PTPRD: variants seen among roughly 807,000 people sequenced by gnomAD.
PTPRD encodes protein tyrosine phosphatase receptor type D.
PTPRD carries 34 observed loss-of-function variants against 214.5 expected under a neutral mutation model. The ratio of observed to expected loss-of-function variants is 0.16; its 90% CI spans 0.12 to 0.21. The LOEUF is 0.21. PTPRD is among the 10% of genes least tolerant of loss of function. The pLI is 1.00. For synonymous variants in PTPRD, 1,128 were observed against 845.7 expected, an observed-to-expected ratio of 1.33 and a Z score of -5.79; for missense variants, 2,545 against 2,398.7, an observed-to-expected ratio of 1.06 and a Z score of -1.27.
chr9:10,007,424 T>A (rs2096503205), intron 4 of PTPRD, among the ~76,000 whole-genome samples: 1 of 152,034 alleles, frequency 6.6e-6, no homozygotes, highest in South Asian at 2.1e-4. Flanking sequence ...AATAATTTTC[T>A]TATTATAACA....
intron 39 of PTPRD, among the ~76,000 whole-genome samples, chr9:8,368,394 C>G (rs1280803267): frequency 6.6e-6 from 1 of 152,070 alleles, no homozygotes; most frequent in Non-Finnish European, 1.5e-5. Context: ...GAGTTGGTTG[C>G]TATTCTTAGG....
At chr9:10,279,113 T>A (rs1036571239) in intron 3 of PTPRD, among the ~76,000 whole-genome samples, 3 of 152,100 alleles carry the variant, frequency 2.0e-5, no homozygotes, top group African/African-American at 7.2e-5. Flanking sequence ...TCTGCCTCAA[T>A]CCTCACTTCT....
At chr9:9,722,523 C>T (rs1048280963) in intron 7 of PTPRD, among the ~76,000 whole-genome samples, 10 of 152,034 alleles carry the variant, frequency 6.6e-5, no homozygotes, top group South Asian at 2.1e-4. Flanking sequence ...TAATGTTCCT[C>T]GGAATTTGGG....
intron 10 of PTPRD, among the ~76,000 whole-genome samples, chr9:9,100,718 T>C (rs895294737): frequency 2.0e-5 from 3 of 152,172 alleles, no homozygotes; most frequent in African/African-American, 7.2e-5. Context: ...TCAGGAATAT[T>C]TCTAGGCAGG....
chr9:10,325,882 A>G (rs1054179550), intron 3 of PTPRD, among the ~76,000 whole-genome samples: 3 of 151,886 alleles, frequency 2.0e-5, no homozygotes, highest in African/African-American at 4.8e-5. Flanking sequence ...ATTTTTCATT[A>G]GTTTAACTGA....
At chr9:10,364,189 G>A (rs1449104563) in intron 2 of PTPRD, among the ~76,000 whole-genome samples, 1 of 151,640 alleles carries the variant, frequency 6.6e-6, no homozygotes, top group African/African-American at 2.4e-5. Flanking sequence ...TTTTAGTAGA[G>A]ATAGGGTTTC....
chr9:8,713,320 T>C (rs753111671), intron 12 of PTPRD: 8 of 809,274 alleles, frequency 9.9e-6, no homozygotes, highest in Non-Finnish European at 1.7e-5. Context: ...CATGAAGGCC[T>C]CGGGCACACT....
intron 2 of PTPRD, among the ~76,000 whole-genome samples, chr9:10,567,148 AGTGCCT>A (rs2065881840): frequency 1.3e-5 from 2 of 152,088 alleles, no homozygotes; most frequent in African/African-American, 2.4e-5. Context: ...GTGAACTACC[AGTGCCT>A]TTAAGAACAG....
intron 37 of PTPRD, among the ~76,000 whole-genome samples, chr9:8,383,431 T>A (rs1307927528): frequency 1.3e-5 from 2 of 152,304 alleles, no homozygotes; most frequent in South Asian, 4.1e-4. Flanking sequence ...GCATCTAACC[T>A]GCATTCATTA....
chr9:9,629,497 A>T (rs1224033693), intron 7 of PTPRD, among the ~76,000 whole-genome samples: 4 of 152,008 alleles, frequency 2.6e-5, no homozygotes, highest in Admixed American at 2.6e-4. Flanking sequence ...TAATTTGGGG[A>T]TATTTTTAGA....
chr9:9,986,277 A>C (rs2095707647), intron 4 of PTPRD, among the ~76,000 whole-genome samples: 1 of 152,146 alleles, frequency 6.6e-6, no homozygotes. Context: ...ACAATAGTAA[A>C]AGGTGTAAAC....
chr9:8,331,403 C>CTGAT (rs1319415190), intron 44 of PTPRD, among the ~76,000 whole-genome samples, 179 bp downstream of exon 44: 2 of 107,462 alleles, frequency 1.9e-5, no homozygotes, highest in South Asian at 6.2e-4. Context: ...ACATTTTCCT[C>CTGAT]TGATTATTTT....
At chr9:9,149,432 C>A (rs540931814) in intron 10 of PTPRD, among the ~76,000 whole-genome samples, 29 of 152,264 alleles carry the variant, frequency 1.9e-4, no homozygotes, top group African/African-American at 6.7e-4. Context: ...TCTCATAAAT[C>A]AGATCAGATT....
At chr9:9,638,231 A>G (rs568816375) in intron 7 of PTPRD, among the ~76,000 whole-genome samples, 5 of 152,102 alleles carry the variant, frequency 3.3e-5, no homozygotes, top group African/African-American at 9.7e-5. Context: ...TATGAATTGC[A>G]TCTTGAAATC....
intron 11 of PTPRD, among the ~76,000 whole-genome samples, chr9:8,826,116 T>C (rs568752050): frequency 6.6e-6 from 1 of 152,148 alleles, no homozygotes; most frequent in Non-Finnish European, 1.5e-5. Context: ...AAGGCCTGTA[T>C]CTGTCCTCAA....
chr9:8,842,622 T>C (rs1369586404), intron 11 of PTPRD, among the ~76,000 whole-genome samples: 2 of 152,278 alleles, frequency 1.3e-5, no homozygotes, highest in African/African-American at 4.8e-5. Context: ...TCTACTACTC[T>C]GTCTCTCATT....
intron 2 of PTPRD, among the ~76,000 whole-genome samples, chr9:10,454,641 C>T (rs1025515073): frequency 1.3e-5 from 2 of 151,728 alleles, no homozygotes; most frequent in Non-Finnish European, 1.5e-5. Flanking sequence ...GTTCTTGCAT[C>T]AGAATGTGTT....
intron 35 of PTPRD, among the ~76,000 whole-genome samples, chr9:8,423,819 G>A (rs2094503090): frequency 6.6e-6 from 1 of 151,832 alleles, no homozygotes; most frequent in African/African-American, 2.4e-5. Context: ...TCAACCATCT[G>A]CTTTTTTTTT....
Position 10,467,991 on chromosome 9 carries a change from T to C in PTPRD, c.-599-126974A>G, listed in dbSNP as rs147384647. On this transcript the variant is annotated intron_variant, in intron 2 of 45. Transcript: ENST00000381196. ...AGTTAGAATGGCAACCATTAAAAAG[T>C]CAGGAAACAACAGAGGCTGGAAAGG... Among the ~76,000 whole-genome samples, 558 of 152,176 alleles carry C rather than the reference T, an allele frequency of 3.7e-3. 5 individuals are homozygous for C. Among genetic ancestry groups the C allele is most frequent in the African/African-American group, 0.013 (530 of 41,542 alleles).
Sources: gnomAD v4.1 joint callset for allele counts (sites outside exome capture counted in the v4.1 genomes callset) on GRCh38, gnomAD v4.1.1 for gene constraint, MANE v1.5 for transcripts, NCBI Gene and HGNC (gene_info 2026-07-23, HGNC 2026-07-21) for gene names.